SYT9: variants seen among roughly 807,000 people sequenced by gnomAD.
The protein encoded by SYT9 is synaptotagmin-9.
A neutral mutation model predicts 48.4 loss-of-function variants in SYT9; 22 were observed. That is an observed-to-expected ratio of 0.45 (90% CI 0.32 to 0.65). SYT9 has a LOEUF of 0.65. SYT9 is among the 30% of genes least tolerant of loss of function. The pLI, the probability that SYT9 is intolerant of heterozygous loss-of-function variation, is 0.03. For synonymous variants in SYT9, 265 were observed against 245.0 expected (o/e 1.08, Z -0.76); for missense variants, 577 against 622.0 (o/e 0.93, Z 0.77).
intron 2 of SYT9, among the ~76,000 whole-genome samples, chr11:7,310,926 A>G (rs1056749069): frequency 6.6e-5 from 10 of 152,202 alleles, no homozygotes; most frequent in Non-Finnish European, 1.3e-4. Context: ...TTATCTTCAG[A>G]TTTCATGTCT....
intron 3 of SYT9, among the ~76,000 whole-genome samples, chr11:7,395,369 C>A (rs1295472895): frequency 6.6e-6 from 1 of 151,948 alleles, no homozygotes; most frequent in East Asian, 1.9e-4. Context: ...TCCAATCTGT[C>A]AAGTGTCTAA....
At chr11:7,367,064 G>A (rs1850259651) in intron 3 of SYT9, among the ~76,000 whole-genome samples, 2 of 139,684 alleles carry the variant, frequency 1.4e-5, no homozygotes, top group African/African-American at 5.2e-5. Context: ...TTCTTTCCAG[G>A]AGACCATCTT....
chr11:7,260,971 C>T (rs1199354729), intron 1 of SYT9, among the ~76,000 whole-genome samples: 2 of 152,118 alleles, frequency 1.3e-5, no homozygotes, highest in Non-Finnish European at 2.9e-5. Flanking sequence ...TGGATGTGCA[C>T]AGTCTGTTTT....
intron 3 of SYT9, among the ~76,000 whole-genome samples, chr11:7,321,565 G>T (rs1393078786): frequency 6.6e-6 from 1 of 152,206 alleles, no homozygotes; most frequent in Non-Finnish European, 1.5e-5. Context: ...CTTAGCCCAG[G>T]AGAGTTCTTG....
chr11:7,280,371 A>G (rs989095270), intron 1 of SYT9, among the ~76,000 whole-genome samples: 6 of 152,370 alleles, frequency 3.9e-5, no homozygotes, highest in African/African-American at 1.4e-4. Context: ...ACAATGACAC[A>G]TGTCAGAACT....
rs1163874345 is a variant in SYT9 at position 7,354,725 on chromosome 11, G to GT, written c.1044+40784_1044+40785insT. ...TTGCAAGAAGCTTCTTATGTACTGG[G>GT]CCCAACTTGATGCTTTACAGTTTGT... On this transcript the variant is annotated intron_variant, in intron 3 of 6. Transcript: ENST00000318881. Among the ~76,000 whole-genome samples, 13 of 152,152 alleles carry GT rather than the reference G, an allele frequency of 8.5e-5. No individual in the cohort carries two copies. In the South Asian group the frequency reaches 1.7e-3, roughly 19 times the overall value.
chr11:7,413,584 C>G (rs533448899), intron 3 of SYT9, among the ~76,000 whole-genome samples: 1 of 152,248 alleles, frequency 6.6e-6, no homozygotes. Flanking sequence ...CCCAGCCAAA[C>G]CCCCCGAGCA....
Position 7,313,671 on chromosome 11 carries a change from T to A in SYT9, c.774T>A (p.Pro258=), listed in dbSNP as rs1250127426. ...PAKDFSGTSD[P]YVKIYLLPDR... ...AGGACTTTTCTGGGACTTCAGATCC[T>A]TATGTCAAGATCTATTTGCTTCCTG... The change falls in exon 3 of 7, where the codon CCT becomes CCA. Residue 258 remains proline (P), a synonymous_variant. Coordinates refer to ENST00000318881, the MANE Select transcript of SYT9 (RefSeq NM_175733.4). The A allele has an allele frequency of 1.2e-6, 2 of 1,614,106 alleles. No individual in the cohort carries two copies. Among genetic ancestry groups the A allele is most frequent in the Non-Finnish European group, 8.5e-7 (1 of 1,180,028 alleles).
At chr11:7,277,209 A>G (rs1848413463) in intron 1 of SYT9, among the ~76,000 whole-genome samples, 1 of 152,162 alleles carries the variant, frequency 6.6e-6, no homozygotes, top group African/African-American at 2.4e-5. Context: ...CATAGTGAGG[A>G]TTTGATAAAC....
At chr11:7,308,813 T>G (rs150151399) in intron 2 of SYT9, among the ~76,000 whole-genome samples, 84 of 152,310 alleles carry the variant, frequency 5.5e-4, no homozygotes, top group African/African-American at 2.0e-3. Flanking sequence ...AAATTCGAAT[T>G]TGTTGAATTG....
chr11:7,369,719 GT>G (rs149978596), intron 3 of SYT9, among the ~76,000 whole-genome samples: 30 of 147,604 alleles, frequency 2.0e-4, no homozygotes, highest in African/African-American at 7.3e-4. Flanking sequence ...CGGATAATGG[GT>G]TTTTTTTTAA....
chr11:7,387,818 T>C (rs185431925), intron 3 of SYT9, among the ~76,000 whole-genome samples: 126 of 152,288 alleles, frequency 8.3e-4, no homozygotes, highest in African/African-American at 3.0e-3. Context: ...GGCAGTTAAG[T>C]TGTTTAAATT....
At chr11:7,265,307 G>C (rs1848157662) in intron 1 of SYT9, among the ~76,000 whole-genome samples, 2 of 152,110 alleles carry the variant, frequency 1.3e-5, no homozygotes, top group South Asian at 4.1e-4. Context: ...TGGAAAACTG[G>C]GAAGAAGTTA....
intron 1 of SYT9, among the ~76,000 whole-genome samples, chr11:7,254,897 A>C (rs1193996624): frequency 6.6e-6 from 1 of 152,210 alleles, no homozygotes; most frequent in Non-Finnish European, 1.5e-5. Context: ...AGCGGGCCTG[A>C]GCCATCAGAA....
intron 3 of SYT9, among the ~76,000 whole-genome samples, chr11:7,365,920 T>C (rs1176261422): frequency 1.4e-4 from 21 of 152,236 alleles, no homozygotes; most frequent in Non-Finnish European, 1.0e-4. Flanking sequence ...CCCTTGGGCC[T>C]CTAATTTGGG....
chr11:7,255,794 T>G (rs1211171064), intron 1 of SYT9, among the ~76,000 whole-genome samples: 5 of 152,206 alleles, frequency 3.3e-5, no homozygotes, highest in Non-Finnish European at 5.9e-5. Flanking sequence ...TGTAACACAT[T>G]AAGTGTGTGA....
intron 3 of SYT9, among the ~76,000 whole-genome samples, chr11:7,413,173 G>T (rs1847172003): frequency 6.6e-6 from 1 of 152,184 alleles, no homozygotes; most frequent in Non-Finnish European, 1.5e-5. Context: ...GTAGGTAGTT[G>T]TGCAGCATGT....
chr11:7,431,536 GT>G lies in SYT9; in HGVS notation c.1467+10902del, dbSNP rs1847570826. ...ATTGGCATAACTAAAAGGGAGCCAG[GT>G]GCTAACATCCAAGACAATGGGAAAA... is the stretch of plus-strand genomic sequence containing the variant. On this transcript the variant is annotated intron_variant, in intron 6 of 6. Coordinates refer to ENST00000318881, the MANE Select transcript of SYT9 (RefSeq NM_175733.4). 2.0e-5 allele frequency among the ~76,000 whole-genome samples: 3 copies of G among 152,356 alleles called. No homozygotes were observed. In the South Asian group the frequency reaches 6.2e-4, roughly 32 times the overall value.
chr11:7,421,108 T>C (rs569320578), intron 6 of SYT9, among the ~76,000 whole-genome samples: 1 of 152,198 alleles, frequency 6.6e-6, no homozygotes, highest in Non-Finnish European at 1.5e-5. Context: ...CAACCAATTA[T>C]AAATTAAAAA....
Sources: allele counts gnomAD v4.1 joint callset (sites outside exome capture counted in the v4.1 genomes callset), GRCh38; gene constraint gnomAD v4.1.1; transcripts MANE v1.5; gene names NCBI Gene and HGNC (gene_info 2026-07-23, HGNC 2026-07-21).